ZC3HC1: variants seen among roughly 807,000 people sequenced by gnomAD.
ZC3HC1 encodes zinc finger C3HC-type containing 1, also known as zinc finger C3HC-type protein 1.
ZC3HC1 carries 38 observed loss-of-function variants against 61.9 expected under a neutral mutation model. That is an observed-to-expected ratio of 0.61 (90% CI 0.47 to 0.81). The LOEUF is 0.81. Among genes scored for constraint, ZC3HC1 ranks in the 30% least tolerant of loss-of-function variants. The pLI, the probability that ZC3HC1 is intolerant of heterozygous loss-of-function variation, is 0.00. For synonymous variants in ZC3HC1, 213 were observed against 229.9 expected, an observed-to-expected ratio of 0.93 and a Z score of 0.67; for missense variants, 554 against 622.7, an observed-to-expected ratio of 0.89 and a Z score of 1.17.
In ZC3HC1 at chr7:130,023,526, G is replaced by A. The variant is rs1389020002; in HGVS notation, c.1218C>T (p.Cys406=). ...GTGGACTCACCGAACTGCTGGAGGA[G>A]CAGAGGCGAGCTCGCTTGGCTTTCC... ...PLRKAKRARL[C]SSSSSDTSSR... is the part of the protein sequence containing the mutation. The change falls in exon 8 of 10, where the codon TGC becomes TGT. Residue 406 remains cysteine, a synonymous_variant. Transcript: ENST00000358303. This position sits in a 1 kb window ranked among gnomAD's most constrained non-coding sequence, Gnocchi z 4.2. The A allele has an allele frequency of 2.5e-6, 4 of 1,614,058 alleles. No homozygotes were observed. Among genetic ancestry groups the A allele is most frequent in the Non-Finnish European group, 3.4e-6 (4 of 1,180,048 alleles).
chr7:130,032,218 C>T (rs1214028717), intron 4 of ZC3HC1, among the ~76,000 whole-genome samples: 1 of 23,764 alleles, frequency 4.2e-5, no homozygotes, highest in Non-Finnish European at 8.6e-5. Context: ...AACAAGATTC[C>T]CTCTAAAAAA....
At position 130,023,504 on chromosome 7, in the gene ZC3HC1, G is replaced by T; in HGVS notation, c.1233+7C>A. ...CTCAGCCACTGCTACATGCGAGGTG[G>T]ACTCACCGAACTGCTGGAGGAGCAG... On this transcript the variant is annotated splice_region_variant and intron_variant, in intron 8 of 9. Transcript: ENST00000358303. The surrounding 1 kb of genome is among the most constrained non-coding windows in gnomAD (Gnocchi z 4.2). The T allele has an allele frequency of 6.2e-7, 1 of 1,613,762 alleles. No individual in the cohort carries two copies. Among genetic ancestry groups the T allele is most frequent in the Non-Finnish European group, 8.5e-7 (1 of 1,179,938 alleles).
intron 9 of ZC3HC1, among the ~76,000 whole-genome samples, chr7:130,019,209 T>G (rs1793512059): frequency 6.6e-6 from 1 of 152,036 alleles, no homozygotes; most frequent in Admixed American, 6.6e-5. Flanking sequence ...CCACCACTCC[T>G]GGCTAATTTT....
At chr7:130,021,799 T>G (rs947776664) in intron 9 of ZC3HC1, among the ~76,000 whole-genome samples, 1 of 152,184 alleles carries the variant, frequency 6.6e-6, no homozygotes. Context: ...TTATCAGAAC[T>G]TGACGGAATG....
chr7:130,026,279 G>A lies in ZC3HC1; in HGVS notation c.655C>T (p.His219Tyr), dbSNP rs1563076002. 6.2e-7 allele frequency: 1 copy of A among 1,613,920 alleles called. No homozygotes were observed. Among genetic ancestry groups the A allele is most frequent in the East Asian group, 2.2e-5 (1 of 44,880 alleles). ...TGATCAAGTTCATCTTCAAGCAAGT[G>A]TAGGAGAAGACTGATCTTGTCTTCT... Reference protein sequence around the residue: ...LTEDKISLLLHLLEDELDHRT... With the variant: ...LTEDKISLLLYLLEDELDHRT... The change falls in exon 6 of 10, where the codon CAC (histidine) becomes TAC (tyrosine). Residue 219 changes from histidine (H) to tyrosine (Y), a missense_variant. Transcript: ENST00000358303.
chr7:130,042,545 C>T (rs1032249602), intron 2 of ZC3HC1, among the ~76,000 whole-genome samples: 2 of 152,152 alleles, frequency 1.3e-5, no homozygotes, highest in African/African-American at 4.8e-5. Context: ...AATTATCCCT[C>T]CAAAATTTGA....
chr7:130,035,115 C>T (rs1794377840), intron 4 of ZC3HC1, among the ~76,000 whole-genome samples: 1 of 152,080 alleles, frequency 6.6e-6, no homozygotes, highest in South Asian at 2.1e-4. Flanking sequence ...AGAGGCCAGG[C>T]ACAGTGGTTC....
At chr7:130,049,006 C>G (rs1794970916) in intron 2 of ZC3HC1, 27 bp downstream of exon 2, 1 of 1,550,046 alleles carries the variant, frequency 6.5e-7, no homozygotes, top group African/African-American at 1.4e-5. Context: ...GCAGAAAGTG[C>G]AATTCACATG....
intron 5 of ZC3HC1, among the ~76,000 whole-genome samples, chr7:130,028,163 CAAAAAAAAAAAAAAAAAAAAAA>C (rs58430072): frequency 1.2e-4 from 4 of 34,122 alleles, no homozygotes; most frequent in East Asian, 1.5e-3. Flanking sequence ...GACTCTGTCT[CAAAAAAAAAAAAAAAAAAAAAA>C]AAAAAAAAAA....
intron 4 of ZC3HC1, among the ~76,000 whole-genome samples, chr7:130,032,856 G>A (rs1794278401): frequency 6.6e-6 from 1 of 150,888 alleles, no homozygotes; most frequent in Non-Finnish European, 1.5e-5. Context: ...AGGGGAAGGA[G>A]GGAGGGAGGA....
intron 9 of ZC3HC1, among the ~76,000 whole-genome samples, chr7:130,019,274 C>T (rs181012080): frequency 0.016 from 2,373 of 152,258 alleles, 33 homozygotes; most frequent in Middle Eastern, 0.02. Flanking sequence ...TGGTCTTGAT[C>T]TCCTGACCTC....
chr7:130,028,818 T>C (rs1794046009), intron 5 of ZC3HC1, 84 bp downstream of exon 5: 2 of 1,534,180 alleles, frequency 1.3e-6, no homozygotes, highest in Admixed American at 2.0e-5. Context: ...AGCAATTGCA[T>C]CTTCTTGTCA....
intron 2 of ZC3HC1, among the ~76,000 whole-genome samples, chr7:130,042,596 C>G (rs976223860): frequency 6.6e-6 from 1 of 152,184 alleles, no homozygotes; most frequent in African/African-American, 2.4e-5. Context: ...GTGTTTTACA[C>G]AGCTAAAAGC....
chr7:130,025,760 G>A lies in ZC3HC1; in HGVS notation c.776+398C>T, dbSNP rs576241963. On this transcript the variant is annotated intron_variant, in intron 6 of 9. Coordinates refer to ENST00000358303, the MANE Select transcript of ZC3HC1 (RefSeq NM_016478.5). ...CAGGCACCTATAGTCCCAGCTACTC[G>A]GGAGGCTGAGACAGGAGAATGGCGT... Among the ~76,000 whole-genome samples, 294 of 151,408 alleles carry A rather than the reference G, an allele frequency of 1.9e-3. 2 individuals are homozygous for A. The highest frequency in any genetic ancestry group is 6.7e-3 in the African/African-American group (277 of 41,280).
chr7:130,018,682 T>C lies in ZC3HC1; in HGVS notation c.1491A>G (p.Glu497=). The stretch of plus-strand genomic sequence containing the variant: ...AGTATCTTCAGCATGAGCACAGAGA[T>C]TCCCACTGCCGAAATATTCGGAATA... The part of the protein sequence containing the change: ...RKVFRIFRQW[E]SLCSC The change falls in exon 10 of 10, where the codon GAA becomes GAG. Residue 497 remains glutamate, a synonymous_variant. Coordinates refer to ENST00000358303, the MANE Select transcript of ZC3HC1 (RefSeq NM_016478.5). The C allele has an allele frequency of 6.2e-7, 1 of 1,612,508 alleles. No homozygotes were observed. The highest frequency in any genetic ancestry group is 8.5e-7 in the Non-Finnish European group (1 of 1,178,698).
chr7:130,023,791 TCTTTA>T lies in ZC3HC1; in HGVS notation c.1021-73_1021-69del. On this transcript the variant is annotated intron_variant, in intron 7 of 9. Transcript: ENST00000358303. This position sits in a 1 kb window ranked among gnomAD's most constrained non-coding sequence, Gnocchi z 4.2. ...ATGATTATGGTCAGAAATACTTCTT[TCTTTA>T]ATCTTTTTTCTTTTTTTTTTTGAGA... The T allele has an allele frequency of 1.5e-6, 2 of 1,325,176 alleles. No individual in the cohort carries two copies. Among genetic ancestry groups the T allele is most frequent in the Non-Finnish European group, 2.1e-6 (2 of 962,290 alleles). 82.1% of individuals were successfully genotyped at this position (1,325,176 alleles called of 1,614,324 possible). A position where few individuals can be genotyped will look rare whatever the true frequency, so the allele number is the denominator to read the frequency against.
At chr7:130,028,204 A>G (rs1393596605) in intron 5 of ZC3HC1, among the ~76,000 whole-genome samples, 1 of 135,844 alleles carries the variant, frequency 7.4e-6, no homozygotes, top group Non-Finnish European at 1.6e-5. Flanking sequence ...AAAAAAAGAT[A>G]TGCAATAAAC....
chr7:130,051,377 T>G (rs377372432), upstream of ZC3HC1: 2 of 1,612,534 alleles, frequency 1.2e-6, no homozygotes, highest in South Asian at 1.1e-5. Flanking sequence ...CTTGGTCCGC[T>G]GCCGAGTTGC....
At chr7:130,050,446 A>G (rs1438530885) in intron 1 of ZC3HC1, 1 of 1,530,022 alleles carries the variant, frequency 6.5e-7, no homozygotes, top group East Asian at 2.5e-5. Flanking sequence ...AACTTACTCT[A>G]AGACTCTCAG....
Sources: allele counts gnomAD v4.1 joint callset (sites outside exome capture counted in the v4.1 genomes callset), GRCh38; gene constraint gnomAD v4.1.1; non-coding constraint Gnocchi (gnomAD v3.1); transcripts MANE v1.5; gene names NCBI Gene and HGNC (gene_info 2026-07-23, HGNC 2026-07-21).